Variants in DNAH11 observed in about 807,000 individuals in gnomAD.
The protein encoded by DNAH11 is axonemal beta dynein heavy chain 11.
Under a neutral mutation model 526.0 loss-of-function variants are expected in DNAH11, and 442 were observed. The observed-to-expected ratio is 0.84, with a 90% CI of 0.78 to 0.91. The LOEUF (loss-of-function observed/expected upper bound fraction) is 0.91. Ranked by LOEUF, DNAH11 falls within the 40% of genes least tolerant of loss-of-function variation. The pLI, the probability that DNAH11 is intolerant of heterozygous loss-of-function variation, is 0.00. For missense variants in DNAH11, 6,989 were observed against 5,448.7 expected (o/e 1.28, Z -8.90); for synonymous variants, 2,461 against 1,935.9 (o/e 1.27, Z -7.12).
At chr7:21,780,901 G>T (rs1270519756) in intron 57 of DNAH11, among the ~76,000 whole-genome samples, 1 of 152,126 alleles carries the variant, frequency 6.6e-6, no homozygotes, top group Non-Finnish European at 1.5e-5. Flanking sequence ...GGAAAAGACC[G>T]ACATGAGACA....
intron 7 of DNAH11, 161 bp downstream of exon 7, chr7:21,570,460 C>A (rs536104806): frequency 3.8e-6 from 2 of 521,902 alleles, no homozygotes; most frequent in Middle Eastern, 5.0e-4. Context: ...TATGATGATA[C>A]AAGGGCATTT....
chr7:21,738,107 C>T (rs999849363), intron 46 of DNAH11, among the ~76,000 whole-genome samples: 9 of 151,970 alleles, frequency 5.9e-5, no homozygotes, highest in Non-Finnish European at 7.4e-5. Context: ...ATCTCAGACA[C>T]GCACTGTTCT....
At chr7:21,737,370 A>G (rs1238501349) in intron 46 of DNAH11, among the ~76,000 whole-genome samples, 2 of 152,226 alleles carry the variant, frequency 1.3e-5, no homozygotes, top group Non-Finnish European at 2.9e-5. Flanking sequence ...TGGGACTTGT[A>G]GTTTTAAAAC....
intron 2 of DNAH11, among the ~76,000 whole-genome samples, chr7:21,550,321 G>A (rs1329467514): frequency 2.6e-5 from 4 of 152,130 alleles, no homozygotes; most frequent in Non-Finnish European, 5.9e-5. Flanking sequence ...GTAGTGAGCC[G>A]TGAACTCAAG....
chr7:21,575,073 C>T (rs1202316545), intron 8 of DNAH11, among the ~76,000 whole-genome samples: 4 of 151,490 alleles, frequency 2.6e-5, no homozygotes, highest in Non-Finnish European at 5.9e-5. Flanking sequence ...TGGGGTTTTC[C>T]ACCATGTTGG....
chr7:21,545,209 T>C (rs1782759822), intron 2 of DNAH11, 60 bp downstream of exon 2: 4 of 1,419,386 alleles, frequency 2.8e-6, no homozygotes, highest in Non-Finnish European at 3.8e-6. Flanking sequence ...TTGAAATTAT[T>C]TAGGACAACT....
rs142509936 is a variant in DNAH11, at chr7:21,551,762, T to C, written c.495+6613T>C. On this transcript the variant is annotated intron_variant, in intron 2 of 81. Coordinates refer to ENST00000409508, the MANE Select transcript of DNAH11 (RefSeq NM_001277115.2). ...GGTTTGGTCTAACTTTTCTTTGGTATTCTATGATATCTAAGCAGTTCTGGT... is the reference window on the plus strand; with the variant it reads ...GGTTTGGTCTAACTTTTCTTTGGTACTCTATGATATCTAAGCAGTTCTGGT... 8.0e-3 allele frequency among the ~76,000 whole-genome samples: 1,219 copies of C among 152,352 alleles called. 10 individuals are homozygous for C. The highest frequency in any genetic ancestry group is 0.011 in the Non-Finnish European group (716 of 68,036).
Position 21,774,226 on chromosome 7 carries a change from G to A in DNAH11, c.9336+227G>A, listed in dbSNP as rs542975327. 7.2e-5 allele frequency among the ~76,000 whole-genome samples: 11 copies of A among 152,262 alleles called. No homozygotes were observed. The East Asian group carries it at 1.9e-3, about 27-fold the overall frequency. On this transcript the variant is annotated intron_variant, in intron 56 of 81. Coordinates refer to ENST00000409508, the MANE Select transcript of DNAH11 (RefSeq NM_001277115.2). Reference sequence around the variant, plus strand: ...CGTTCTCTTCCTGGCCTGACTCAGTGTAAGGTAGTGTGGGATATTGAAGGG... The same window carrying A: ...CGTTCTCTTCCTGGCCTGACTCAGTATAAGGTAGTGTGGGATATTGAAGGG...
At chr7:21,875,440 G>T (rs1007692348) in intron 74 of DNAH11, among the ~76,000 whole-genome samples, 22 of 151,986 alleles carry the variant, frequency 1.4e-4, no homozygotes, top group Non-Finnish European at 3.2e-4. Context: ...TTTTGGTAAA[G>T]ATCACTTCGA....
intron 20 of DNAH11, among the ~76,000 whole-genome samples, chr7:21,608,722 G>A (rs1287892178): frequency 1.3e-5 from 2 of 152,090 alleles, no homozygotes; most frequent in Non-Finnish European, 2.9e-5. Context: ...ATGGGGAAAC[G>A]TTTTTACTTG....
chr7:21,771,874 T>G (rs1439565105), intron 55 of DNAH11, among the ~76,000 whole-genome samples: 1 of 151,302 alleles, frequency 6.6e-6, no homozygotes, highest in African/African-American at 2.4e-5. Flanking sequence ...TAAAATAAAA[T>G]AACTGGAGAT....
At chr7:21,606,625 T>C in intron 19 of DNAH11, 22 bp from the exon 20 acceptor site, 1 of 1,507,678 alleles carries the variant, frequency 6.6e-7, no homozygotes, top group Non-Finnish European at 8.8e-7. Context: ...CTTTTTTTTT[T>C]TTTTTTTTTT....
chr7:21,612,550 G>A (rs542969156), intron 20 of DNAH11, among the ~76,000 whole-genome samples: 44 of 72,910 alleles, frequency 6.0e-4, no homozygotes, highest in African/African-American at 2.1e-3. Flanking sequence ...GTGAGGCTCC[G>A]TCTCAAAAAA....
chr7:21,546,184 C>T (rs765138827), intron 2 of DNAH11, among the ~76,000 whole-genome samples: 72 of 151,704 alleles, frequency 4.7e-4, no homozygotes, highest in Admixed American at 1.6e-3. Flanking sequence ...CATGATCACA[C>T]CTCTTCTACT....
At chr7:21,713,291 T>A (rs1490034311) in intron 42 of DNAH11, among the ~76,000 whole-genome samples, 1 of 152,198 alleles carries the variant, frequency 6.6e-6, no homozygotes, top group East Asian at 1.9e-4. Flanking sequence ...GTGGTCTGTA[T>A]GGACCACATT....
intron 20 of DNAH11, among the ~76,000 whole-genome samples, chr7:21,609,224 TTTTC>T (rs1487564299): frequency 6.6e-6 from 1 of 152,156 alleles, no homozygotes; most frequent in African/African-American, 2.4e-5. Context: ...TTTTCTTTTC[TTTTC>T]TTTCTTTGAC....
At chr7:21,790,134 G>A (rs530584327) in intron 61 of DNAH11, among the ~76,000 whole-genome samples, 2 of 151,848 alleles carry the variant, frequency 1.3e-5, no homozygotes, top group Admixed American at 6.6e-5. Flanking sequence ...CATGGTACTT[G>A]GCACATAGTA....
Position 21,735,853 on chromosome 7 carries a change from A to C in DNAH11, c.7645+9A>C, listed in dbSNP as rs777374426. ...ATCCACAGCTCTGCAAAGTAAGTGCACCTGTTTATTTTCTAGAAACAAGGG... is the reference window on the plus strand; with the variant it reads ...ATCCACAGCTCTGCAAAGTAAGTGCCCCTGTTTATTTTCTAGAAACAAGGG... On this transcript the variant is annotated intron_variant, in intron 46 of 81. Coordinates refer to ENST00000409508, the MANE Select transcript of DNAH11 (RefSeq NM_001277115.2). 20 of 1,581,446 alleles carry C rather than the reference A, an allele frequency of 1.3e-5. No homozygotes were observed. The highest frequency in any genetic ancestry group is 1.7e-5 in the Non-Finnish European group (20 of 1,160,890).
rs573023157 is a variant in DNAH11 at position 21,650,543 on chromosome 7, CTT to C, written c.4945-5274_4945-5273del. Among the ~76,000 whole-genome samples the C allele has an allele frequency of 2.5e-3, 342 of 136,714 alleles. 1 individual carries two copies. Among genetic ancestry groups the C allele is most frequent in the Middle Eastern group, 7.6e-3 (2 of 264 alleles). 89.7% of individuals were successfully genotyped at this position (136,714 alleles called of 152,430 possible). A position where few individuals can be genotyped will look rare whatever the true frequency, so the allele number is the denominator to read the frequency against. ...CTGATTTAACTAGCTTCTAGAAGGCCTTTTTTTTTTTTTTTTCCAATTTAGAT... is the reference window on the plus strand; with the variant it reads ...CTGATTTAACTAGCTTCTAGAAGGCCTTTTTTTTTTTTTTCCAATTTAGAT... On this transcript the variant is annotated intron_variant, in intron 28 of 81. Coordinates refer to ENST00000409508, the MANE Select transcript of DNAH11 (RefSeq NM_001277115.2).
Sources: gnomAD v4.1 joint callset for allele counts (sites outside exome capture counted in the v4.1 genomes callset) on GRCh38, gnomAD v4.1.1 for gene constraint, MANE v1.5 for transcripts, NCBI Gene and HGNC (gene_info 2026-07-23, HGNC 2026-07-21) for gene names.